The following HECW1 variants were observed in gnomAD, a reference collection of about 807,000 sequenced individuals.
HECW1 encodes E3 ubiquitin-protein ligase HECW1.
A neutral mutation model predicts 182.3 loss-of-function variants in HECW1; 61 were observed. The ratio of observed to expected loss-of-function variants is 0.33; its 90% CI spans 0.27 to 0.41. The LOEUF (loss-of-function observed/expected upper bound fraction) is 0.41. HECW1 is among the 10% of genes least tolerant of loss of function. The pLI is 1.00. For synonymous variants in HECW1, 859 were observed against 832.6 expected, an observed-to-expected ratio of 1.03 and a Z score of -0.55; for missense variants, 1,739 against 2,108.9, an observed-to-expected ratio of 0.82 and a Z score of 3.44.
intron 3 of HECW1, among the ~76,000 whole-genome samples, chr7:43,276,523 A>C (rs1803174374): frequency 6.6e-6 from 1 of 152,242 alleles, no homozygotes; most frequent in Non-Finnish European, 1.5e-5. Context: ...ACTTTTAAAA[A>C]TCATAAGTAG....
intron 3 of HECW1, among the ~76,000 whole-genome samples, chr7:43,250,387 G>A (rs890539508): frequency 6.6e-6 from 1 of 152,054 alleles, no homozygotes; most frequent in South Asian, 2.1e-4. Flanking sequence ...TTTATTGAGC[G>A]CCTACTGTGT....
At chr7:43,324,984 A>G (rs1810589383) in intron 5 of HECW1, among the ~76,000 whole-genome samples, 1 of 152,148 alleles carries the variant, frequency 6.6e-6, no homozygotes, top group Admixed American at 6.5e-5. Context: ...ATTGCTATTG[A>G]TTTATACAAT....
At chr7:43,555,660 A>C (rs1007515352) in intron 29 of HECW1, among the ~76,000 whole-genome samples, 1 of 152,202 alleles carries the variant, frequency 6.6e-6, no homozygotes, top group Non-Finnish European at 1.5e-5. Context: ...GCTTTCACCT[A>C]GGTTTCCCAG....
chr7:43,177,189 A>G (rs555083596), intron 2 of HECW1, among the ~76,000 whole-genome samples: 40 of 152,326 alleles, frequency 2.6e-4, no homozygotes, highest in African/African-American at 9.4e-4. Context: ...CCCTGGAAGA[A>G]TATTGCTCTC....
intron 24 of HECW1, chr7:43,509,603 C>T (rs1014009348): frequency 1.3e-5 from 2 of 153,768 alleles, no homozygotes; most frequent in African/African-American, 2.4e-5. Flanking sequence ...TCTTTGGTTC[C>T]TGGGTGGTCT....
intron 3 of HECW1, among the ~76,000 whole-genome samples, chr7:43,250,057 G>T (rs941521000): frequency 1.3e-5 from 2 of 151,884 alleles, no homozygotes; most frequent in Non-Finnish European, 2.9e-5. Context: ...GATCACAGCT[G>T]AATATACGCC....
rs575935902 is a variant in HECW1 at position 43,464,988 on chromosome 7, G to A, written c.2791+1189G>A. Among the ~76,000 whole-genome samples, 288 of 152,036 alleles carry A rather than the reference G, an allele frequency of 1.9e-3. 1 individual carries two copies. Among genetic ancestry groups the A allele is most frequent in the Non-Finnish European group, 2.8e-3 (190 of 67,962 alleles). On this transcript the variant is annotated intron_variant, in intron 14 of 29. Coordinates refer to ENST00000395891, the MANE Select transcript of HECW1 (RefSeq NM_015052.5). ...GGCTAATTTTTTCATTTTTTGTAGA[G>A]ACAGAGTCTTGCTATGTTGCCCAGG...
At chr7:43,198,976 A>G (rs978249215) in intron 2 of HECW1, among the ~76,000 whole-genome samples, 6 of 152,182 alleles carry the variant, frequency 3.9e-5, no homozygotes, top group Admixed American at 3.9e-4. Flanking sequence ...TATTTGTTCA[A>G]TAACGCTAAG....
Position 43,372,407 on chromosome 7 carries a change from G to A in HECW1, c.555+11427G>A, listed in dbSNP as rs113599509. Among the ~76,000 whole-genome samples the A allele has an allele frequency of 9.4e-3, 1,072 of 114,238 alleles. 12 individuals carry two copies. The highest frequency in any genetic ancestry group is 0.033 in the African/African-American group (1,001 of 30,440). 74.9% of individuals were successfully genotyped at this position (114,238 alleles called of 152,430 possible). A position where few individuals can be genotyped will look rare whatever the true frequency, so the allele number is the denominator to read the frequency against. On this transcript the variant is annotated intron_variant, in intron 6 of 29. Coordinates refer to ENST00000395891, the MANE Select transcript of HECW1 (RefSeq NM_015052.5). ...AAGTTCTAGGGTACATGTGCACAAC[G>A]TGCAGGTTTGTTACATATGTATACA...
Position 43,444,627 on chromosome 7 carries a change from G to T in HECW1, c.1455G>T (p.Glu485Asp). The T allele has an allele frequency of 6.2e-7, 1 of 1,609,748 alleles. No individual in the cohort carries two copies. The highest frequency in any genetic ancestry group is 8.5e-7 in the Non-Finnish European group (1 of 1,178,132). ...AAGCCCCAGCCAGCACCAAGGAGGA[G>T]CCCTTGGAGGAGGAAGCAACGACCC... ...DGEAPASTKE[E>D]PLEEEATTQS... The change falls in exon 11 of 30, where the codon GAG (glutamate) becomes GAT (aspartate). Residue 485 changes from glutamate to aspartate, a missense_variant. This residue lies in a region of HECW1 where 971 missense variants were observed against 1,029.1 expected (regional missense o/e 0.94). Coordinates refer to ENST00000395891, the MANE Select transcript of HECW1 (RefSeq NM_015052.5). The surrounding 1 kb of genome is among the most constrained non-coding windows in gnomAD (Gnocchi z 4.3).
At chr7:43,412,915 C>T (rs1204897239) in intron 8 of HECW1, among the ~76,000 whole-genome samples, 25 of 147,970 alleles carry the variant, frequency 1.7e-4, no homozygotes, top group African/African-American at 3.2e-4. Flanking sequence ...AATAAACATA[C>T]GTGTGCATGT....
intron 11 of HECW1, among the ~76,000 whole-genome samples, chr7:43,449,960 G>A (rs1274073532): frequency 6.6e-6 from 1 of 152,200 alleles, no homozygotes; most frequent in Non-Finnish European, 1.5e-5. Flanking sequence ...TTATAAGTCC[G>A]AACTGAGAAC....
At chr7:43,450,657 A>T (rs2077203075) in intron 11 of HECW1, among the ~76,000 whole-genome samples, 171 bp from the exon 12 acceptor site, 1 of 152,098 alleles carries the variant, frequency 6.6e-6, no homozygotes, top group South Asian at 2.1e-4. Context: ...TTAAAAAAAT[A>T]TTTCCCCCCT....
intron 2 of HECW1, among the ~76,000 whole-genome samples, chr7:43,241,854 A>G (rs4623323): frequency 6.6e-6 from 1 of 151,792 alleles, no homozygotes; most frequent in Non-Finnish European, 1.5e-5. Context: ...TAATAACTAC[A>G]GGGTACTATT....
chr7:43,143,753 C>A (rs1174811836), intron 2 of HECW1, among the ~76,000 whole-genome samples: 1 of 152,216 alleles, frequency 6.6e-6, no homozygotes, highest in African/African-American at 2.4e-5. Context: ...AAAATGTGGT[C>A]ATTCCATGTA....
intron 3 of HECW1, chr7:43,258,558 C>T (rs1255217105): frequency 6.6e-6 from 1 of 152,028 alleles, no homozygotes; most frequent in East Asian, 1.9e-4. Flanking sequence ...AAGAATGTCT[C>T]CAAAACTGGA....
At chr7:43,272,409 G>C (rs1254847350) in intron 3 of HECW1, among the ~76,000 whole-genome samples, 1 of 152,064 alleles carries the variant, frequency 6.6e-6, no homozygotes, top group African/African-American at 2.4e-5. Context: ...TACAGAATGG[G>C]AGAAAATATT....
intron 28 of HECW1, among the ~76,000 whole-genome samples, chr7:43,554,319 A>G (rs1159724878): frequency 2.0e-5 from 3 of 152,256 alleles, no homozygotes; most frequent in Non-Finnish European, 4.4e-5. Context: ...GTGGAGTCTC[A>G]GTTGTTTAAA....
chr7:43,449,627 C>T (rs1344627305), intron 11 of HECW1, among the ~76,000 whole-genome samples: 1 of 152,222 alleles, frequency 6.6e-6, no homozygotes, highest in Non-Finnish European at 1.5e-5. Flanking sequence ...AACCATTTGA[C>T]CACCATTTTT....
Sources: allele counts gnomAD v4.1 joint callset (sites outside exome capture counted in the v4.1 genomes callset), GRCh38; gene constraint gnomAD v4.1.1; regional missense constraint gnomAD v4.1.1; non-coding constraint Gnocchi (gnomAD v3.1); transcripts MANE v1.5; gene names NCBI Gene and HGNC (gene_info 2026-07-23, HGNC 2026-07-21).